Variants in NRAP observed in about 807,000 individuals in gnomAD.
The protein encoded by NRAP is nebulin-related-anchoring protein.
In NRAP, 189 loss-of-function variants were observed where a neutral mutation model predicts 225.9. The observed-to-expected ratio is 0.84, with a 90% CI of 0.74 to 0.94. The LOEUF (loss-of-function observed/expected upper bound fraction) is 0.94, where lower values mean the gene tolerates loss of function less well. Ranked by LOEUF, NRAP falls within the 40% of genes least tolerant of loss-of-function variation. The pLI is 0.00. For missense variants in NRAP, 2,176 were observed against 2,168.7 expected, an observed-to-expected ratio of 1.00 and a Z score of -0.07; for synonymous variants, 769 against 790.7, an observed-to-expected ratio of 0.97 and a Z score of 0.46.
intron 29 of NRAP, among the ~76,000 whole-genome samples, chr10:113,613,875 G>A (rs373202507): frequency 2.0e-5 from 3 of 152,000 alleles, no homozygotes; most frequent in South Asian, 2.1e-4. Flanking sequence ...CTCTGCAGAC[G>A]AAATGAAAGA....
rs541519788 is a variant in NRAP at position 113,634,202 on chromosome 10, A to G, written c.1437T>C (p.Tyr479=). ...MKLVPLKDAN[Y]RQSIDKLKYS... ...ACTTCAACTTGTCGATGCTCTGCCT[A>G]TAATTGGCCTAGGTAAAAACAGGCA... Residue 479 remains tyrosine (Y), a synonymous_variant, in exon 15 of 42, where the codon TAT becomes TAC. Transcript: ENST00000359988. 3.1e-6 allele frequency: 5 copies of G among 1,610,852 alleles called. No homozygotes were observed. Among genetic ancestry groups the G allele is most frequent in the Middle Eastern group, 1.7e-4 (1 of 6,058 alleles).
intron 12 of NRAP, 62 bp downstream of exon 12, chr10:113,642,872 G>A (rs1176986994): frequency 2.3e-6 from 2 of 856,794 alleles, no homozygotes; most frequent in African/African-American, 3.3e-5. Context: ...GTCCCTCTTA[G>A]GAGACCTAAA....
chr10:113,640,339 AG>A lies in NRAP; in HGVS notation c.1324-9del. On this transcript the variant is annotated splice_polypyrimidine_tract_variant and intron_variant, in intron 13 of 41. Transcript: ENST00000359988. Reference sequence around the variant, plus strand: ...ATCAGCTTTGTAGGCAACCTAAAACAGGAAGAAAAGAAGAAGAATGGAGAAA... The same window carrying A: ...ATCAGCTTTGTAGGCAACCTAAAACAGAAGAAAAGAAGAAGAATGGAGAAA... 1.4e-6 allele frequency: 2 copies of A among 1,468,352 alleles called. No individual in the cohort carries two copies. The highest frequency in any genetic ancestry group is 1.9e-6 in the Non-Finnish European group (2 of 1,073,668). 91.0% of individuals were successfully genotyped at this position (1,468,352 alleles called of 1,614,324 possible). A position where few individuals can be genotyped will look rare whatever the true frequency, so the allele number is the denominator to read the frequency against.
intron 3 of NRAP, among the ~76,000 whole-genome samples, chr10:113,659,372 T>C (rs1850518946): frequency 6.6e-6 from 1 of 152,016 alleles, no homozygotes. Flanking sequence ...TTAACAAATG[T>C]CCCCCAGGTA....
At chr10:113,662,845 T>A (rs1280415887) in intron 2 of NRAP, 79 bp from the exon 3 acceptor site, 3 of 647,400 alleles carry the variant, frequency 4.6e-6, no homozygotes, top group Non-Finnish European at 7.8e-6. Flanking sequence ...AAATTATTTT[T>A]AAATAATAAC....
At chr10:113,615,353 G>C (rs966558319) in intron 27 of NRAP, among the ~76,000 whole-genome samples, 1 of 152,204 alleles carries the variant, frequency 6.6e-6, no homozygotes. Flanking sequence ...AGATTTTGGA[G>C]AGGAGGAGTT....
At chr10:113,655,141 C>A (rs1850227797) in intron 4 of NRAP, among the ~76,000 whole-genome samples, 1 of 152,174 alleles carries the variant, frequency 6.6e-6, no homozygotes, top group South Asian at 2.1e-4. Context: ...AAACAAGATG[C>A]AGATTGTCCA....
chr10:113,654,158 C>G, intron 4 of NRAP, 33 bp from the exon 5 acceptor site: 3 of 1,267,460 alleles, frequency 2.4e-6, no homozygotes, highest in Non-Finnish European at 3.5e-6. Flanking sequence ...GATACAAACA[C>G]ATGCCCCAGA....
At chr10:113,614,365 A>G in intron 28 of NRAP, 69 bp from the exon 29 acceptor site, 1 of 1,089,558 alleles carries the variant, frequency 9.2e-7, no homozygotes, top group African/African-American at 1.5e-5. Context: ...AGAGGTGGGC[A>G]TTGGGTGAAA....
rs762332997 is a variant in NRAP at position 113,650,518 on chromosome 10, G to A, written c.703C>T (p.Gln235Ter). The A allele has an allele frequency of 1.4e-5, 22 of 1,613,004 alleles. No homozygotes were observed. The highest frequency in any genetic ancestry group is 3.4e-6 in the Non-Finnish European group (4 of 1,179,190). The change falls in exon 8 of 42, where the codon CAA becomes TAA. Residue 235 changes from glutamine to a stop codon, truncating the protein, a stop_gained. Transcript: ENST00000359988. LOFTEE classifies it high-confidence loss of function. ...DVRYTEDYEQ[Q>*]RGKGSFPAMI... ...GCAGGGAAACTGCCTTTCCCTCTTT[G>A]TTGTTCATAGTCCTCTGTGTATCTC...
chr10:113,658,623 G>A (rs1850458728), intron 3 of NRAP, among the ~76,000 whole-genome samples: 1 of 152,150 alleles, frequency 6.6e-6, no homozygotes, highest in Non-Finnish European at 1.5e-5. Context: ...CCTCACGCCT[G>A]CACTCCCAGC....
In NRAP at chr10:113,614,174, C is replaced by T; in HGVS notation, c.3300+9G>A. On this transcript the variant is annotated intron_variant, in intron 29 of 41. Coordinates refer to ENST00000359988, the MANE Select transcript of NRAP (RefSeq NM_198060.4). Reference sequence around the variant, plus strand: ...CCCTGCAGCCGCTGATGCCTCTCCCCCCACTTACATCACTCTGCAGTGAGG... The same window carrying T: ...CCCTGCAGCCGCTGATGCCTCTCCCTCCACTTACATCACTCTGCAGTGAGG... 1 of 1,585,004 alleles carries T rather than the reference C, an allele frequency of 6.3e-7. No homozygotes were observed. The highest frequency in any genetic ancestry group is 1.1e-5 in the South Asian group (1 of 90,534).
chr10:113,662,449 T>C (rs924945031), intron 3 of NRAP, among the ~76,000 whole-genome samples: 3 of 152,202 alleles, frequency 2.0e-5, no homozygotes, highest in Non-Finnish European at 4.4e-5. Flanking sequence ...CCTTCTTTTA[T>C]TTATTTAACT....
At chr10:113,652,816 G>A in intron 6 of NRAP, 119 bp downstream of exon 6, 1 of 689,590 alleles carries the variant, frequency 1.5e-6, no homozygotes, top group Non-Finnish European at 2.6e-6. Context: ...TCTGTAATAT[G>A]ACACTAATGG....
intron 11 of NRAP, among the ~76,000 whole-genome samples, chr10:113,645,014 A>G (rs958664376): frequency 6.6e-6 from 1 of 152,196 alleles, no homozygotes; most frequent in Non-Finnish European, 1.5e-5. Context: ...CAGTCCTCAC[A>G]ATAAAAACGT....
chr10:113,644,501 G>A (rs1484993572), intron 11 of NRAP, among the ~76,000 whole-genome samples: 1 of 152,210 alleles, frequency 6.6e-6, no homozygotes, highest in Non-Finnish European at 1.5e-5. Context: ...AATGTGATAT[G>A]AATGTGTTCA....
chr10:113,606,815 C>G (rs11196394), intron 32 of NRAP, among the ~76,000 whole-genome samples: 2 of 152,194 alleles, frequency 1.3e-5, no homozygotes, highest in African/African-American at 4.8e-5. Flanking sequence ...TGCCTATAAT[C>G]TCAGCACTTT....
chr10:113,663,694 G>A (rs1022016201), intron 1 of NRAP, 117 bp downstream of exon 1: 1 of 782,034 alleles, frequency 1.3e-6, no homozygotes. Context: ...ACTTTTTCTT[G>A]TGGTTCAAAA....
chr10:113,644,562 T>C (rs554202033), intron 11 of NRAP, among the ~76,000 whole-genome samples: 3 of 152,326 alleles, frequency 2.0e-5, no homozygotes, highest in African/African-American at 7.2e-5. Context: ...TCACTGAGGT[T>C]GTAGTGTGTT....
Sources: gnomAD v4.1 joint callset for allele counts (sites outside exome capture counted in the v4.1 genomes callset) on GRCh38, gnomAD v4.1.1 for gene constraint, MANE v1.5 for transcripts, NCBI Gene and HGNC (gene_info 2026-07-23, HGNC 2026-07-21) for gene names.